C10orf90: variants seen among roughly 807,000 people sequenced by gnomAD.
C10orf90 encodes the protein chromosome 10 open reading frame 90, also known as (E2-independent) E3 ubiquitin-conjugating enzyme FATS.
C10orf90 carries 56 observed loss-of-function variants against 62.5 expected under a neutral mutation model. That is an observed-to-expected ratio of 0.90 (90% CI 0.72 to 1.12). The LOEUF (loss-of-function observed/expected upper bound fraction) is 1.12. C10orf90 is among the 50% of genes most tolerant of loss of function. C10orf90 has a pLI of 0.00. For synonymous variants in C10orf90, 386 were observed against 340.4 expected (o/e 1.13, Z -1.47); for missense variants, 970 against 880.4 (o/e 1.10, Z -1.29).
chr10:126,612,891 A>G (rs1437888623), intron 2 of C10orf90, among the ~76,000 whole-genome samples: 1 of 152,178 alleles, frequency 6.6e-6, no homozygotes, highest in Non-Finnish European at 1.5e-5. Context: ...CCAGCCTGTT[A>G]GAAATGTTAT....
At chr10:126,473,760 A>G (rs1351089525) in intron 4 of C10orf90, among the ~76,000 whole-genome samples, 1 of 152,154 alleles carries the variant, frequency 6.6e-6, no homozygotes, top group African/African-American at 2.4e-5. Flanking sequence ...GTATAAGAGT[A>G]GACAGATGCG....
At chr10:126,611,336 C>G (rs1364536373) in intron 2 of C10orf90, among the ~76,000 whole-genome samples, 1 of 152,150 alleles carries the variant, frequency 6.6e-6, no homozygotes, top group East Asian at 1.9e-4. Flanking sequence ...GACTTCATTC[C>G]TTTTTATTGC....
chr10:126,638,306 C>T (rs1845993821), intron 2 of C10orf90, among the ~76,000 whole-genome samples: 1 of 152,034 alleles, frequency 6.6e-6, no homozygotes, highest in South Asian at 2.1e-4. Flanking sequence ...ACCTGGGCAC[C>T]ATCTCTTTCC....
chr10:126,603,335 C>T (rs983216877), intron 2 of C10orf90, among the ~76,000 whole-genome samples: 1 of 151,952 alleles, frequency 6.6e-6, no homozygotes. Flanking sequence ...CGGGAAAAGC[C>T]CCTTATAAAA....
chr10:126,457,851 A>G (rs570277924), intron 7 of C10orf90, among the ~76,000 whole-genome samples: 2 of 152,324 alleles, frequency 1.3e-5, no homozygotes, highest in East Asian at 1.9e-4. Flanking sequence ...CCTGGAAACT[A>G]TATCCCCATT....
intron 2 of C10orf90, among the ~76,000 whole-genome samples, chr10:126,572,104 AG>A (rs2134004853): frequency 6.6e-6 from 1 of 152,284 alleles, no homozygotes; most frequent in South Asian, 2.1e-4. Context: ...CTGTATTCCC[AG>A]GAGGTTAAAG....
At chr10:126,565,849 C>T (rs1844375409) in intron 2 of C10orf90, among the ~76,000 whole-genome samples, 2 of 152,176 alleles carry the variant, frequency 1.3e-5, no homozygotes, top group African/African-American at 4.8e-5. Context: ...TGAACCACCT[C>T]TCAGATGCTG....
intron 2 of C10orf90, among the ~76,000 whole-genome samples, chr10:126,615,247 G>A (rs1202204684): frequency 6.6e-6 from 1 of 152,192 alleles, no homozygotes. Flanking sequence ...ACCCAGTCCA[G>A]GGTCAGCGGG....
chr10:126,429,656 T>G, intron 8 of C10orf90, 131 bp downstream of exon 8: 1 of 691,686 alleles, frequency 1.4e-6, no homozygotes, highest in Non-Finnish European at 2.5e-6. Flanking sequence ...TTTTTCAGAT[T>G]TGCAGCCAAA....
chr10:126,612,928 G>A (rs921952344), intron 2 of C10orf90, among the ~76,000 whole-genome samples: 30 of 152,206 alleles, frequency 2.0e-4, no homozygotes, highest in East Asian at 7.7e-4. Flanking sequence ...AAAAATGCTC[G>A]CCCTCGCAGC....
chr10:126,629,200 C>T (rs945505269), intron 2 of C10orf90, among the ~76,000 whole-genome samples: 8 of 152,224 alleles, frequency 5.3e-5, no homozygotes, highest in Non-Finnish European at 8.8e-5. Flanking sequence ...TTTACCATCA[C>T]TGACCTCTTC....
At chr10:126,547,593 C>T (rs919876391) in intron 2 of C10orf90, among the ~76,000 whole-genome samples, 2 of 149,036 alleles carry the variant, frequency 1.3e-5, no homozygotes, top group African/African-American at 2.5e-5. Context: ...GATAAAAATG[C>T]TTCGACAAGC....
chr10:126,555,415 G>A (rs1354577903), intron 2 of C10orf90, among the ~76,000 whole-genome samples: 1 of 152,116 alleles, frequency 6.6e-6, no homozygotes, highest in East Asian at 1.9e-4. Flanking sequence ...ACTCATGCCT[G>A]TAATCCCAAC....
intron 4 of C10orf90, among the ~76,000 whole-genome samples, chr10:126,475,209 G>C (rs1045149978): frequency 2.0e-5 from 3 of 152,160 alleles, no homozygotes; most frequent in African/African-American, 4.8e-5. Flanking sequence ...AAAGCCAAAA[G>C]GCAGCAAGCC....
At chr10:126,656,922 A>C (rs1436034327) in intron 1 of C10orf90, among the ~76,000 whole-genome samples, 2 of 152,234 alleles carry the variant, frequency 1.3e-5, no homozygotes, top group Non-Finnish European at 2.9e-5. Flanking sequence ...TTCAACAAAC[A>C]TACAACTAGT....
At chr10:126,636,286 G>A (rs114385507) in intron 2 of C10orf90, among the ~76,000 whole-genome samples, 1,923 of 152,204 alleles carry the variant, frequency 0.013, 32 homozygotes, top group African/African-American at 0.042. Flanking sequence ...TCAGCCAGGC[G>A]TGGGCCTTCC....
chr10:126,521,975 G>T (rs1000505742), intron 2 of C10orf90, among the ~76,000 whole-genome samples: 4 of 152,168 alleles, frequency 2.6e-5, no homozygotes, highest in Non-Finnish European at 5.9e-5. Flanking sequence ...CTGGGCTAAA[G>T]ATAGCACCGG....
chr10:126,553,467 C>T (rs1040473394), intron 2 of C10orf90, among the ~76,000 whole-genome samples: 1 of 152,166 alleles, frequency 6.6e-6, no homozygotes, highest in Non-Finnish European at 1.5e-5. Flanking sequence ...TGACAGACCA[C>T]ATATATGATG....
chr10:126,504,766 C>A lies in C10orf90; in HGVS notation c.725G>T (p.Arg242Ile). ...RGFASITITARRVGPPARALV... is the reference protein window; with the variant it reads ...RGFASITITAIRVGPPARALV... ...GGCGCGGGCTGGGGGGCCCACGCGT[C>A]TGGCCGTGATGGTGATGGATGCAAA... is the stretch of plus-strand genomic sequence containing the variant. Residue 242 changes from arginine (R) to isoleucine (I), a missense_variant, in exon 4 of 10, where the codon AGA becomes ATA. Physicochemically the swap from Arg to Ile is moderately conservative, Grantham distance 97. Coordinates refer to ENST00000488181, the MANE Select transcript of C10orf90 (RefSeq NM_001350921.2). This position sits in a 1 kb window ranked among gnomAD's most constrained non-coding sequence, Gnocchi z 4.1. The A allele has an allele frequency of 6.3e-7, 1 of 1,586,982 alleles. No individual in the cohort carries two copies. Among genetic ancestry groups the A allele is most frequent in the Non-Finnish European group, 8.6e-7 (1 of 1,166,292 alleles).
Sources: allele counts gnomAD v4.1 joint callset (sites outside exome capture counted in the v4.1 genomes callset), GRCh38; gene constraint gnomAD v4.1.1; non-coding constraint Gnocchi (gnomAD v3.1); transcripts MANE v1.5; gene names NCBI Gene and HGNC (gene_info 2026-07-23, HGNC 2026-07-21).